Variants in TSPAN7 observed in about 807,000 individuals in gnomAD.
TSPAN7 encodes the protein tetraspanin-7.
A neutral mutation model predicts 17.6 loss-of-function variants in TSPAN7; 1 was observed. The observed-to-expected ratio is 0.06, with a 90% confidence interval of 0.02 to 0.27. The LOEUF is 0.27. Among genes scored for constraint, TSPAN7 ranks in the 10% least tolerant of loss-of-function variants. The pLI is 1.00. For missense variants in TSPAN7, 112 were observed against 201.7 expected (o/e 0.56, Z 2.69); for synonymous variants, 78 against 79.0 (o/e 0.99, Z 0.07).
intron 1 of TSPAN7, among the ~76,000 whole-genome samples, chrX:38,631,542 G>A (rs183193033): frequency 1.0e-3 from 112 of 111,001 alleles, no homozygotes; most frequent in Non-Finnish European, 1.3e-3. Flanking sequence ...CTTCTGATTG[G>A]TTGATGCAGG....
chrX:38,654,574 T>C (rs1348649044), intron 1 of TSPAN7, among the ~76,000 whole-genome samples: 1 of 112,302 alleles, frequency 8.9e-6, no homozygotes, highest in Non-Finnish European at 1.9e-5. Context: ...TTTAGCCTCC[T>C]TGATGCAGTG....
intron 1 of TSPAN7, among the ~76,000 whole-genome samples, chrX:38,599,759 A>G (rs192321377): frequency 1.1e-4 from 12 of 111,945 alleles, no homozygotes; most frequent in African/African-American, 3.9e-4. Context: ...GACTTGTGAG[A>G]AAAATATGCA....
intron 1 of TSPAN7, among the ~76,000 whole-genome samples, chrX:38,631,463 G>C (rs1169132620): frequency 9.0e-6 from 1 of 111,482 alleles, no homozygotes; most frequent in Non-Finnish European, 1.9e-5. Flanking sequence ...ACAAAAAGAG[G>C]AGTTGTCTTT....
At chrX:38,637,048 A>G (rs139727487) in intron 1 of TSPAN7, among the ~76,000 whole-genome samples, 1,949 of 111,965 alleles carry the variant, frequency 0.017, 48 homozygotes, top group African/African-American at 0.06. Flanking sequence ...AAAGCACACG[A>G]CTATGTAAGA....
intron 1 of TSPAN7, chrX:38,608,179 A>G (rs1203840713): frequency 9.1e-6 from 1 of 109,848 alleles, no homozygotes; most frequent in Admixed American, 9.7e-5. Flanking sequence ...CACTTCCAGA[A>G]GAGTTCTTGA....
At chrX:38,650,383 G>A (rs779341836) in intron 1 of TSPAN7, among the ~76,000 whole-genome samples, 10 of 112,620 alleles carry the variant, frequency 8.9e-5, no homozygotes, top group Non-Finnish European at 1.3e-4. Context: ...TATAGCCATG[G>A]TGCCTGCTGG....
intron 2 of TSPAN7, among the ~76,000 whole-genome samples, chrX:38,670,981 C>A (rs1370489279): frequency 9.0e-6 from 1 of 111,707 alleles, no homozygotes; most frequent in Non-Finnish European, 1.9e-5. Context: ...AAAAAAGGAC[C>A]CCCAGACAGG....
chrX:38,673,062 C>T (rs1363188955), intron 3 of TSPAN7, among the ~76,000 whole-genome samples: 1 of 111,845 alleles, frequency 8.9e-6, no homozygotes, highest in African/African-American at 3.3e-5. Context: ...AGCTTAGAAG[C>T]TGCATGTAAC....
chrX:38,659,830 T>C (rs1381232212), intron 1 of TSPAN7, among the ~76,000 whole-genome samples: 2 of 91,265 alleles, frequency 2.2e-5, no homozygotes, highest in Non-Finnish European at 4.3e-5. Context: ...TTTCTTTTTT[T>C]TTTTTTTTTT....
intron 1 of TSPAN7, among the ~76,000 whole-genome samples, chrX:38,614,256 G>A (rs955392139): frequency 8.9e-6 from 1 of 111,852 alleles, no homozygotes; most frequent in African/African-American, 3.3e-5. Context: ...AAAGCCCAAG[G>A]CTTCTGACCA....
chrX:38,639,088 A>G (rs1464493980), intron 1 of TSPAN7, among the ~76,000 whole-genome samples: 1 of 111,472 alleles, frequency 9.0e-6, no homozygotes, highest in East Asian at 2.8e-4. Flanking sequence ...CCACATCTAG[A>G]AAGTCTCCTC....
chrX:38,649,143 T>C (rs189543905), intron 1 of TSPAN7, among the ~76,000 whole-genome samples: 84 of 111,629 alleles, frequency 7.5e-4, no homozygotes, highest in Non-Finnish European at 3.8e-4. Context: ...TGTTAACAGA[T>C]TGTGACACAG....
chrX:38,646,351 T>C, intron 1 of TSPAN7: 5 of 1,110,932 alleles, frequency 4.5e-6, no homozygotes, highest in Non-Finnish European at 3.6e-6. Context: ...CCTACAAATA[T>C]TAATGTGTGT....
In TSPAN7 at chrX:38,646,125, T is replaced by C. The variant is rs180999791; in HGVS notation, c.82-19996T>C. The C allele has an allele frequency of 1.6e-3, 729 of 468,482 alleles. 2 individuals are homozygous for C. The highest frequency in any genetic ancestry group is 1.9e-3 in the Non-Finnish European group (594 of 315,088). The allele number at this position is 468,482 out of a possible 1,213,427, so 38.6% of individuals were successfully genotyped here. A position where few individuals can be genotyped will look rare whatever the true frequency, so the allele number is the denominator to read the frequency against. ...CTTAAAACTCTGGTTTTTAAACTAGTAATAGTTGGTGTACTTTCTATAAAA... is the reference window on the plus strand; with the variant it reads ...CTTAAAACTCTGGTTTTTAAACTAGCAATAGTTGGTGTACTTTCTATAAAA... On this transcript the variant is annotated intron_variant, in intron 1 of 7. Coordinates refer to ENST00000378482, the MANE Select transcript of TSPAN7 (RefSeq NM_004615.4).
chrX:38,673,509 T>C lies in TSPAN7; in HGVS notation c.346-712T>C, dbSNP rs769261939. Reference sequence around the variant, plus strand: ...CAGCCACCCAAGTAGCTGGGATTACTGGCGCCTGCCACCATGCCTGACTAA... The same window carrying C: ...CAGCCACCCAAGTAGCTGGGATTACCGGCGCCTGCCACCATGCCTGACTAA... On this transcript the variant is annotated intron_variant, in intron 3 of 7. Coordinates refer to ENST00000378482, the MANE Select transcript of TSPAN7 (RefSeq NM_004615.4). Among the ~76,000 whole-genome samples, 14 of 108,953 alleles carry C rather than the reference T, an allele frequency of 1.3e-4. No individual in the cohort carries two copies. In the South Asian group the frequency reaches 5.7e-3, roughly 44 times the overall value. 94.6% of individuals were successfully genotyped at this position (108,953 alleles called of 115,157 possible).
rs778629115 is a variant in TSPAN7 at position 38,594,223 on chromosome X, T to C, written c.81+32596T>C. Reference sequence around the variant, plus strand: ...TTTTGTTTTTGTTTTTGTCTTAAAATGCAGTAGCCAGTAGCCAGTCATGAT... The same window carrying C: ...TTTTGTTTTTGTTTTTGTCTTAAAACGCAGTAGCCAGTAGCCAGTCATGAT... On this transcript the variant is annotated intron_variant, in intron 1 of 7. Coordinates refer to ENST00000378482, the MANE Select transcript of TSPAN7 (RefSeq NM_004615.4). 2.7e-5 allele frequency among the ~76,000 whole-genome samples: 3 copies of C among 111,928 alleles called. No individual in the cohort carries two copies. In the South Asian group the frequency reaches 1.1e-3, roughly 42 times the overall value.
chrX:38,646,596 T>C (rs1021949197), intron 1 of TSPAN7, among the ~76,000 whole-genome samples: 11 of 112,255 alleles, frequency 9.8e-5, no homozygotes, highest in African/African-American at 3.6e-4. Flanking sequence ...TCAGGTATTT[T>C]ATGCTTACCA....
chrX:38,569,791 G>A (rs1018371149), intron 1 of TSPAN7, among the ~76,000 whole-genome samples: 6 of 111,458 alleles, frequency 5.4e-5, no homozygotes, highest in African/African-American at 2.0e-4. Context: ...CAGGGTAAAT[G>A]GATGTGTTCA....
intron 1 of TSPAN7, among the ~76,000 whole-genome samples, chrX:38,635,581 G>A (rs1431734235): frequency 8.9e-6 from 1 of 111,788 alleles, no homozygotes; most frequent in Non-Finnish European, 1.9e-5. Context: ...AAACATCCTT[G>A]CCGGAAAGAG....
Sources: allele counts gnomAD v4.1 joint callset (sites outside exome capture counted in the v4.1 genomes callset), GRCh38; gene constraint gnomAD v4.1.1; transcripts MANE v1.5; gene names NCBI Gene and HGNC (gene_info 2026-07-23, HGNC 2026-07-21).